The following RFX7 variants were observed in gnomAD, a reference collection of about 807,000 sequenced individuals.
RFX7 encodes the protein regulatory factor X7.
In RFX7, 26 loss-of-function variants were observed where a neutral mutation model predicts 111.8. That is an observed-to-expected ratio of 0.23 (90% CI 0.17 to 0.32). RFX7 has a LOEUF of 0.32. Among genes scored for constraint, RFX7 ranks in the 10% least tolerant of loss-of-function variants. The probability of loss-of-function intolerance (pLI) is 1.00; values close to 1 mark genes in which losing one functional copy is unlikely to be tolerated. For synonymous variants in RFX7, 624 were observed against 624.4 expected (o/e 1.00, Z 0.01); for missense variants, 1,573 against 1,772.9 (o/e 0.89, Z 2.02).
intron 2 of RFX7, among the ~76,000 whole-genome samples, chr15:56,223,540 G>C (rs759107662): frequency 1.3e-4 from 20 of 152,104 alleles, no homozygotes; most frequent in Middle Eastern, 3.2e-3. Context: ...CATGGAGGGA[G>C]GGTAAGTTTA....
At chr15:56,222,818 T>C (rs1440798569) in intron 2 of RFX7, among the ~76,000 whole-genome samples, 1 of 152,228 alleles carries the variant, frequency 6.6e-6, no homozygotes, top group African/African-American at 2.4e-5. Flanking sequence ...TTTCTATTTT[T>C]TTCCCTATAG....
At chr15:56,136,383 G>C (rs1426524219) in intron 5 of RFX7, among the ~76,000 whole-genome samples, 2 of 146,030 alleles carry the variant, frequency 1.4e-5, no homozygotes, top group African/African-American at 5.1e-5. Flanking sequence ...AAGCAATTGT[G>C]AATGGGAGTT....
chr15:56,230,752 C>T (rs1330572964), intron 2 of RFX7, among the ~76,000 whole-genome samples: 1 of 152,186 alleles, frequency 6.6e-6, no homozygotes, highest in Non-Finnish European at 1.5e-5. Flanking sequence ...ACTACAGTAG[C>T]TAACGAATGT....
rs2041640061 is a variant in RFX7 at position 56,094,277 on chromosome 15, T to C, written c.3451A>G (p.Asn1151Asp). The C allele has an allele frequency of 6.2e-7, 1 of 1,614,010 alleles. No homozygotes were observed. Among genetic ancestry groups the C allele is most frequent in the Non-Finnish European group, 8.5e-7 (1 of 1,179,884 alleles). ...CTGGCAGATGAATTAGTTCCTTTAT[T>C]ATCAAGAGGGGCAGGGACTGCAAAA... is the stretch of plus-strand genomic sequence containing the variant. ...EGFAVPAPLD[N>D]KGTNSSASSN... The change falls in exon 10 of 10, where the codon AAT becomes GAT. Residue 1151 changes from asparagine (N) to aspartate (D), a missense_variant. Transcript: ENST00000559447.
intron 2 of RFX7, among the ~76,000 whole-genome samples, chr15:56,194,011 G>A (rs1226473784): frequency 6.6e-6 from 1 of 151,848 alleles, no homozygotes. Context: ...AGCAGTCATG[G>A]GCCAAACATA....
chr15:56,204,655 T>C (rs550302506), intron 2 of RFX7, among the ~76,000 whole-genome samples: 1 of 152,296 alleles, frequency 6.6e-6, no homozygotes, highest in South Asian at 2.1e-4. Flanking sequence ...AACCAAAAGG[T>C]AATGATCTAT....
At position 56,197,152 on chromosome 15, in the gene RFX7, G is replaced by A. The variant is rs1449156535; in HGVS notation, c.162-17849C>T. Among the ~76,000 whole-genome samples the A allele has an allele frequency of 2.0e-5, 3 of 152,014 alleles. No homozygotes were observed. The East Asian group carries it at 5.8e-4, about 29-fold the overall frequency. On this transcript the variant is annotated intron_variant, in intron 2 of 9. Coordinates refer to ENST00000559447, the MANE Select transcript of RFX7 (RefSeq NM_022841.7). ...TGATGTTGAACACCTTAATGTATTTGCTGATCACTAAGTTTTCTTCTGTGA... is the reference window on the plus strand; with the variant it reads ...TGATGTTGAACACCTTAATGTATTTACTGATCACTAAGTTTTCTTCTGTGA...
intron 2 of RFX7, among the ~76,000 whole-genome samples, chr15:56,242,919 C>G (rs1459982215): frequency 6.6e-6 from 1 of 152,162 alleles, no homozygotes; most frequent in Non-Finnish European, 1.5e-5. Context: ...GGGGTAAAAG[C>G]ATTTTTTAGC....
chr15:56,186,100 AG>A (rs1188746023), intron 2 of RFX7, among the ~76,000 whole-genome samples: 1 of 152,178 alleles, frequency 6.6e-6, no homozygotes, highest in African/African-American at 2.4e-5. Context: ...TCTACAAAAC[AG>A]GCTTAAGGCT....
In RFX7 at chr15:56,150,524, G is replaced by A. The variant is rs978747835; in HGVS notation, c.196-6041C>T. 6.6e-5 allele frequency among the ~76,000 whole-genome samples: 10 copies of A among 151,954 alleles called. No individual in the cohort carries two copies. In the South Asian group the frequency reaches 1.5e-3, roughly 22 times the overall value. ...TGGTGATACCCAGACAAACAGGGTC[G>A]GGAGTTAACACATCCACTCAAAGAC... On this transcript the variant is annotated intron_variant, in intron 3 of 9. Coordinates refer to ENST00000559447, the MANE Select transcript of RFX7 (RefSeq NM_022841.7).
intron 3 of RFX7, among the ~76,000 whole-genome samples, chr15:56,169,610 G>C (rs2042819833): frequency 6.6e-6 from 1 of 150,382 alleles, no homozygotes; most frequent in South Asian, 2.1e-4. Context: ...TGGGAATTCA[G>C]AAAAGAATGG....
chr15:56,226,335 C>T (rs1389803068), intron 2 of RFX7, among the ~76,000 whole-genome samples: 1 of 152,042 alleles, frequency 6.6e-6, no homozygotes, highest in African/African-American at 2.4e-5. Context: ...GTGGGGAATT[C>T]ATGATTAATT....
intron 5 of RFX7, among the ~76,000 whole-genome samples, chr15:56,113,670 TAAA>T (rs11449454): frequency 6.8e-6 from 1 of 146,568 alleles, no homozygotes; most frequent in Non-Finnish European, 1.5e-5. Context: ...AAAATAAAAT[TAAA>T]AAAAAAAAAA....
At chr15:56,180,573 A>G (rs2042958292) in intron 2 of RFX7, among the ~76,000 whole-genome samples, 1 of 152,044 alleles carries the variant, frequency 6.6e-6, no homozygotes. Flanking sequence ...AAAAGGTAAT[A>G]TATCCAGGAT....
At chr15:56,207,638 A>C (rs1442307296) in intron 2 of RFX7, among the ~76,000 whole-genome samples, 1 of 152,182 alleles carries the variant, frequency 6.6e-6, no homozygotes, top group African/African-American at 2.4e-5. Flanking sequence ...CAAACATATT[A>C]TCCATAGAAA....
intron 2 of RFX7, among the ~76,000 whole-genome samples, chr15:56,183,870 T>G (rs1278577571): frequency 6.6e-6 from 1 of 152,210 alleles, no homozygotes; most frequent in East Asian, 1.9e-4. Flanking sequence ...CCTTTCTGAA[T>G]AAATCTTTTG....
In RFX7 at chr15:56,089,434, T is replaced by C. The variant is rs2041568928; in HGVS notation, c.*3911A>G. On this transcript the variant is annotated 3_prime_UTR_variant, in exon 10 of 10. Coordinates refer to ENST00000559447, the MANE Select transcript of RFX7 (RefSeq NM_022841.7). ...ATTGAATGAACCCTTGAACCTCCTATCTCCACTATTATTAAGCTAAAAGTA... is the reference window on the plus strand; with the variant it reads ...ATTGAATGAACCCTTGAACCTCCTACCTCCACTATTATTAAGCTAAAAGTA... 6.6e-6 allele frequency: 1 copy of C among 152,426 alleles called. No homozygotes were observed. Among genetic ancestry groups the C allele is most frequent in the African/African-American group, 2.4e-5 (1 of 41,418 alleles). 9.4% of individuals were successfully genotyped at this position (152,426 alleles called of 1,614,324 possible). A position where few individuals can be genotyped will look rare whatever the true frequency, so the allele number is the denominator to read the frequency against.
intron 2 of RFX7, 83 bp downstream of exon 2, chr15:56,243,042 T>TCCCCCCCC: frequency 3.7e-6 from 2 of 543,098 alleles, no homozygotes; most frequent in Non-Finnish European, 6.7e-6. Flanking sequence ...CCTCCTCCGC[T>TCCCCCCCC]CCCCCCGCCC....
chr15:56,174,342 T>G (rs1479920410), intron 3 of RFX7, among the ~76,000 whole-genome samples: 1 of 152,062 alleles, frequency 6.6e-6, no homozygotes, highest in African/African-American at 2.4e-5. Flanking sequence ...AAGAGAAAAT[T>G]TATTAGATGG....
Sources: allele counts gnomAD v4.1 joint callset (sites outside exome capture counted in the v4.1 genomes callset), GRCh38; gene constraint gnomAD v4.1.1; transcripts MANE v1.5; gene names NCBI Gene and HGNC (gene_info 2026-07-23, HGNC 2026-07-21).